DENND2C: variants seen among roughly 807,000 people sequenced by gnomAD.
The protein encoded by DENND2C is DENN domain containing 2C, also known as DENN domain-containing protein 2C.
DENND2C carries 72 observed loss-of-function variants against 112.4 expected under a neutral mutation model. That is an observed-to-expected ratio of 0.64 (90% CI 0.53 to 0.78). The LOEUF is 0.78. DENND2C is among the 30% of genes least tolerant of loss of function. The pLI is 0.00. For synonymous variants in DENND2C, 329 were observed against 381.6 expected, an observed-to-expected ratio of 0.86 and a Z score of 1.61; for missense variants, 992 against 1,113.8, an observed-to-expected ratio of 0.89 and a Z score of 1.56.
Position 114,626,050 on chromosome 1 carries a change from T to C in DENND2C, c.-66A>G. On this transcript the variant is annotated 5_prime_UTR_variant, in exon 4 of 21. The change creates a new upstream start codon in the 5' untranslated region. Transcript: ENST00000393274. ...GGTTCCATTACAAGTAAATGTGAAA[T>C]ATTGTATTCTTTATCCTGTCAGAAT... 7.1e-7 allele frequency: 1 copy of C among 1,400,374 alleles called. No homozygotes were observed. Among genetic ancestry groups the C allele is most frequent in the South Asian group, 1.4e-5 (1 of 73,142 alleles). 86.7% of individuals were successfully genotyped at this position (1,400,374 alleles called of 1,614,324 possible). A position where few individuals can be genotyped will look rare whatever the true frequency, so the allele number is the denominator to read the frequency against.
At chr1:114,647,354 A>G (rs552644814) in intron 2 of DENND2C, among the ~76,000 whole-genome samples, 13 of 151,104 alleles carry the variant, frequency 8.6e-5, no homozygotes, top group Non-Finnish European at 1.3e-4. Context: ...ATGGAGTACA[A>G]TGTGATTTTT....
chr1:114,651,037 A>G (rs1289292213), intron 2 of DENND2C, among the ~76,000 whole-genome samples: 2 of 152,078 alleles, frequency 1.3e-5, no homozygotes, highest in Non-Finnish European at 2.9e-5. Flanking sequence ...TGAACTCAGG[A>G]GGTGGAGGTT....
Position 114,622,004 on chromosome 1 carries a change from T to G in DENND2C, c.1118A>C (p.Tyr373Ser), listed in dbSNP as rs1656179303. 1.3e-6 allele frequency: 2 copies of G among 1,550,714 alleles called. No individual in the cohort carries two copies. Among genetic ancestry groups the G allele is most frequent in the South Asian group, 2.4e-5 (2 of 84,000 alleles). The change falls in exon 7 of 21, where the codon TAT becomes TCT. Residue 373 changes from tyrosine to serine, a missense_variant. Tyr to Ser is a moderately radical substitution (Grantham distance 144, BLOSUM62 -2). Around this residue, in one of 3 missense-constraint regions of DENND2C, gnomAD observed 470 missense variants for 472.7 expected, o/e 0.99. Transcript: ENST00000393274. ...ATCTTTTGTAAGCTTTGACCGCAAA[T>G]AAGCCTGTGAGTTCTTTACTTCCAT... ...KTMEVKNSQA[Y>S]LRSKLTKDTT...
At chr1:114,663,811 T>C (rs1657569779) in intron 1 of DENND2C, among the ~76,000 whole-genome samples, 1 of 152,236 alleles carries the variant, frequency 6.6e-6, no homozygotes, top group Admixed American at 6.5e-5. Context: ...ATTGAAGCGT[T>C]GTCTATGGCT....
intron 1 of DENND2C, among the ~76,000 whole-genome samples, chr1:114,665,464 T>C (rs1657622689): frequency 6.6e-6 from 1 of 152,186 alleles, no homozygotes; most frequent in African/African-American, 2.4e-5. Flanking sequence ...TGGTTTAAAT[T>C]AACAATTTTT....
intron 3 of DENND2C, among the ~76,000 whole-genome samples, chr1:114,641,263 A>G (rs1468004711): frequency 2.0e-5 from 3 of 147,918 alleles, no homozygotes; most frequent in Non-Finnish European, 4.5e-5. Flanking sequence ...CCTTTCTCAA[A>G]AAAAAAAAAA....
intron 3 of DENND2C, among the ~76,000 whole-genome samples, chr1:114,640,788 T>C (rs895560122): frequency 6.6e-6 from 1 of 152,248 alleles, no homozygotes; most frequent in Non-Finnish European, 1.5e-5. Flanking sequence ...ACATAAATTT[T>C]TTTTAAGTTT....
chr1:114,594,784 G>T (rs568661780), intron 17 of DENND2C, among the ~76,000 whole-genome samples: 239 of 152,196 alleles, frequency 1.6e-3, no homozygotes, highest in African/African-American at 5.4e-3. Context: ...TATATACTTT[G>T]TAAAATTTTC....
At position 114,602,149 on chromosome 1, in the gene DENND2C, C is replaced by T. The variant is rs750901744; in HGVS notation, c.1713G>A (p.Trp571Ter). The T allele has an allele frequency of 1.7e-5, 28 of 1,613,838 alleles. No homozygotes were observed. The highest frequency in any genetic ancestry group is 2.3e-5 in the Non-Finnish European group (27 of 1,179,932). ...CCAAGAGCTTCTTACAGTAACCAAA[C>T]CACCGGCTTCCATCTTCACCAGTCA... ...FVLTGEDGSR[W>*]FGYCKKLLPV... Residue 571 changes from tryptophan (W) to a stop codon, truncating the protein, a stop_gained, in exon 12 of 21, where the codon TGG (tryptophan) becomes TGA (stop). Transcript: ENST00000393274. LOFTEE classifies it high-confidence loss of function.
At chr1:114,593,214 C>T (rs1267721126) in intron 18 of DENND2C, among the ~76,000 whole-genome samples, 1 of 152,162 alleles carries the variant, frequency 6.6e-6, no homozygotes, top group African/African-American at 2.4e-5. Flanking sequence ...GATAGTTCTC[C>T]TCCTTCCAAC....
intron 9 of DENND2C, among the ~76,000 whole-genome samples, chr1:114,609,657 AAT>A (rs1655757191): frequency 6.6e-6 from 1 of 152,202 alleles, no homozygotes; most frequent in South Asian, 2.1e-4. Context: ...TTGCAGAAAA[AAT>A]AGTCTACACG....
intron 3 of DENND2C, among the ~76,000 whole-genome samples, chr1:114,629,503 T>A (rs1456018812): frequency 1.3e-5 from 2 of 152,190 alleles, no homozygotes; most frequent in Non-Finnish European, 2.9e-5. Context: ...GGTTTCGAAC[T>A]CCTGACCTCA....
intron 1 of DENND2C, among the ~76,000 whole-genome samples, chr1:114,667,206 C>G (rs1012954557): frequency 1.3e-5 from 2 of 152,176 alleles, no homozygotes; most frequent in African/African-American, 4.8e-5. Context: ...CCCTACCACA[C>G]GCAGAATGAT....
In DENND2C at chr1:114,602,189, G is replaced by A; in HGVS notation, c.1673C>T (p.Thr558Ile). ...TTCACCAGTCAAGACAAAGGAGAATGTTTCACTGAAAAAAGAGCCAATAGT... is the reference window on the plus strand; with the variant it reads ...TTCACCAGTCAAGACAAAGGAGAATATTTCACTGAAAAAAGAGCCAATAGT... ...WMPTSELKSE[T>I]FSFVLTGEDG... The change falls in exon 12 of 21, where the codon ACA becomes ATA. Residue 558 changes from threonine (T) to isoleucine (I), a missense_variant. Physicochemically the swap from Thr to Ile is moderately conservative, Grantham distance 89. Transcript: ENST00000393274. 6.2e-7 allele frequency: 1 copy of A among 1,613,144 alleles called. No individual in the cohort carries two copies. The highest frequency in any genetic ancestry group is 8.5e-7 in the Non-Finnish European group (1 of 1,179,560).
intron 2 of DENND2C, among the ~76,000 whole-genome samples, chr1:114,648,397 A>C (rs1570806056): frequency 6.6e-6 from 1 of 152,230 alleles, no homozygotes; most frequent in East Asian, 1.9e-4. Context: ...AAACCAAAAC[A>C]ATAGGAGTCG....
chr1:114,612,537 T>G (rs972034525), intron 8 of DENND2C, among the ~76,000 whole-genome samples: 4 of 150,296 alleles, frequency 2.7e-5, no homozygotes, highest in Admixed American at 1.3e-4. Context: ...TTTTTTTTTT[T>G]GAGACAGAGT....
rs1310496893 is a variant in DENND2C, at chr1:114,603,526, CCCTT to C, written c.1668-1336_1668-1333del. Among the ~76,000 whole-genome samples the C allele has an allele frequency of 9.9e-5, 15 of 151,260 alleles. No homozygotes were observed. In the South Asian group the frequency reaches 1.9e-3, roughly 19 times the overall value. On this transcript the variant is annotated intron_variant, in intron 11 of 20. Transcript: ENST00000393274. ...TATCTACCTTCTTTCCTCCCTCCCTCCCTTCCTTCCTTCCTTTTATTATTATTAT... is the reference window on the plus strand; with the variant it reads ...TATCTACCTTCTTTCCTCCCTCCCTCCCTTCCTTCCTTTTATTATTATTAT...
chr1:114,649,842 T>C (rs1657105023), intron 2 of DENND2C, among the ~76,000 whole-genome samples: 1 of 152,190 alleles, frequency 6.6e-6, no homozygotes, highest in Non-Finnish European at 1.5e-5. Flanking sequence ...AAAGTAATAC[T>C]ACTACTTTTC....
At chr1:114,606,656 T>C (rs1195957046) in intron 10 of DENND2C, among the ~76,000 whole-genome samples, 1 of 152,188 alleles carries the variant, frequency 6.6e-6, no homozygotes, top group Non-Finnish European at 1.5e-5. Context: ...ATAAAACATC[T>C]TTTTTCTTCT....
Sources: allele counts gnomAD v4.1 joint callset (sites outside exome capture counted in the v4.1 genomes callset), GRCh38; gene constraint gnomAD v4.1.1; regional missense constraint gnomAD v4.1.1; transcripts MANE v1.5; gene names NCBI Gene and HGNC (gene_info 2026-07-23, HGNC 2026-07-21).